CSMD2: variants seen among roughly 807,000 people sequenced by gnomAD.
The protein encoded by CSMD2 is CUB and sushi domain-containing protein 2.
A neutral mutation model predicts 398.5 loss-of-function variants in CSMD2; 130 were observed. The ratio of observed to expected loss-of-function variants is 0.33; its 90% confidence interval spans 0.28 to 0.38. The LOEUF is 0.38. Among genes scored for constraint, CSMD2 ranks in the 10% least tolerant of loss-of-function variants. The pLI, the probability that CSMD2 is intolerant of heterozygous loss-of-function variation, is 1.00. For missense variants in CSMD2, 3,829 were observed against 4,764.9 expected (o/e 0.80, Z 5.78); for synonymous variants, 1,828 against 1,908.5 (o/e 0.96, Z 1.10).
At chr1:34,013,379 A>C (rs1156981342) in intron 3 of CSMD2, among the ~76,000 whole-genome samples, 1 of 152,114 alleles carries the variant, frequency 6.6e-6, no homozygotes, top group Non-Finnish European at 1.5e-5. Context: ...TCCTCTTGAC[A>C]ACACAGTCCT....
chr1:33,679,085 T>C (rs1644816215), intron 25 of CSMD2, among the ~76,000 whole-genome samples: 1 of 152,122 alleles, frequency 6.6e-6, no homozygotes, highest in African/African-American at 2.4e-5. Flanking sequence ...GAGTCTGCCC[T>C]GTAGGTGTCA....
chr1:33,612,712 T>C (rs1241824280), intron 40 of CSMD2, among the ~76,000 whole-genome samples: 1 of 150,866 alleles, frequency 6.6e-6, no homozygotes, highest in Non-Finnish European at 1.5e-5. Context: ...GACAGAGTCT[T>C]GTTCGGTCGC....
intron 3 of CSMD2, among the ~76,000 whole-genome samples, chr1:34,015,711 G>C (rs1176008610): frequency 6.6e-6 from 1 of 152,216 alleles, no homozygotes; most frequent in Non-Finnish European, 1.5e-5. Context: ...CTAGGGATTA[G>C]AAAGCACTTT....
intron 1 of CSMD2, among the ~76,000 whole-genome samples, chr1:34,147,226 C>A (rs1005056477): frequency 5.3e-5 from 8 of 151,726 alleles, no homozygotes; most frequent in Non-Finnish European, 1.0e-4. Flanking sequence ...CCACTGCACT[C>A]CAGCCTGGGT....
At chr1:33,772,538 C>T in intron 13 of CSMD2, 31 bp downstream of exon 13, 2 of 1,594,696 alleles carry the variant, frequency 1.3e-6, no homozygotes, top group Non-Finnish European at 1.7e-6. Context: ...TCAGTGAAGA[C>T]CCTGGCGTGG....
chr1:34,004,673 T>C (rs527690321), intron 3 of CSMD2, among the ~76,000 whole-genome samples: 1 of 152,182 alleles, frequency 6.6e-6, no homozygotes, highest in South Asian at 2.1e-4. Context: ...TTGGTTAGGG[T>C]GTAGGAGGGG....
intron 10 of CSMD2, among the ~76,000 whole-genome samples, chr1:33,793,635 G>C (rs1447690625): frequency 1.3e-5 from 2 of 152,154 alleles, no homozygotes; most frequent in Non-Finnish European, 2.9e-5. Flanking sequence ...TGGGTGACAG[G>C]GACGCATAGG....
rs762151951 is a variant in CSMD2, at chr1:33,743,350, G to A, written c.2103C>T (p.Gly701=). ...NQLPSSITSS[G]HVARLEFQTD... ...TCTGGAACTCGAGACGGGCCACGTGGCCACTGCTTGTGATGGAGGAGGGAA... is the reference window on the plus strand; with the variant it reads ...TCTGGAACTCGAGACGGGCCACGTGACCACTGCTTGTGATGGAGGAGGGAA... The change falls in exon 14 of 71, where the codon GGC becomes GGT. Residue 701 remains glycine (G), a synonymous_variant. Transcript: ENST00000373381. The A allele has an allele frequency of 6.2e-7, 1 of 1,614,162 alleles. No individual in the cohort carries two copies.
intron 5 of CSMD2, among the ~76,000 whole-genome samples, chr1:33,907,081 G>A: frequency 6.6e-6 from 1 of 151,800 alleles, no homozygotes; most frequent in East Asian, 1.9e-4. Context: ...TCTTTGGAAT[G>A]GGGTAGGGGT....
chr1:33,993,664 C>A (rs1646634052), intron 3 of CSMD2, among the ~76,000 whole-genome samples: 1 of 152,166 alleles, frequency 6.6e-6, no homozygotes, highest in African/African-American at 2.4e-5. Flanking sequence ...AAATGCATTC[C>A]TTTGCCTATG....
intron 3 of CSMD2, among the ~76,000 whole-genome samples, chr1:33,999,141 T>C (rs147865971): frequency 2.9e-4 from 44 of 152,290 alleles, no homozygotes; most frequent in African/African-American, 9.4e-4. Flanking sequence ...TCCTTTTGTG[T>C]GAATCCAGGA....
intron 1 of CSMD2, among the ~76,000 whole-genome samples, chr1:34,109,478 A>G (rs893575388): frequency 1.3e-5 from 2 of 152,314 alleles, no homozygotes; most frequent in Admixed American, 6.5e-5. Context: ...ACTTTTGCCA[A>G]TCCAGAATGG....
At chr1:34,131,484 T>C (rs905641667) in intron 1 of CSMD2, among the ~76,000 whole-genome samples, 3 of 152,206 alleles carry the variant, frequency 2.0e-5, no homozygotes, top group Non-Finnish European at 4.4e-5. Flanking sequence ...CCCTGCCTGC[T>C]GACTTGGCCC....
At position 33,999,385 on chromosome 1, in the gene CSMD2, T is replaced by A. The variant is rs1032018208; in HGVS notation, c.517+33209A>T. ...ATGGTAACTAGATACTTTTTAAAAATTTTTTTTTATTTTGCTATTTTTTTG... is the reference window on the plus strand; with the variant it reads ...ATGGTAACTAGATACTTTTTAAAAAATTTTTTTTATTTTGCTATTTTTTTG... On this transcript the variant is annotated intron_variant, in intron 3 of 70. Coordinates refer to ENST00000373381, the MANE Select transcript of CSMD2 (RefSeq NM_001281956.2). 8.6e-5 allele frequency among the ~76,000 whole-genome samples: 13 copies of A among 151,936 alleles called. 1 individual carries two copies. Among genetic ancestry groups the A allele is most frequent in the East Asian group, 1.9e-4 (1 of 5,176 alleles).
At chr1:33,687,414 G>A (rs188782146) in intron 25 of CSMD2, among the ~76,000 whole-genome samples, 1 of 152,200 alleles carries the variant, frequency 6.6e-6, no homozygotes, top group East Asian at 1.9e-4. Flanking sequence ...AACAAAAAGA[G>A]GGTAAAGAAC....
intron 3 of CSMD2, among the ~76,000 whole-genome samples, chr1:34,000,164 G>A (rs1348702165): frequency 2.0e-5 from 3 of 152,078 alleles, no homozygotes; most frequent in Admixed American, 1.3e-4. Flanking sequence ...GACCTTCAGC[G>A]AAATTTTCTT....
intron 5 of CSMD2, among the ~76,000 whole-genome samples, chr1:33,893,287 TTCTA>T (rs1383805035): frequency 1.3e-5 from 2 of 152,234 alleles, no homozygotes; most frequent in African/African-American, 4.8e-5. Flanking sequence ...TTTGGCACTA[TTCTA>T]TCTATTTTGC....
intron 49 of CSMD2, among the ~76,000 whole-genome samples, chr1:33,574,244 A>G (rs10914746): frequency 0.22 from 34,144 of 152,134 alleles, 4,072 homozygotes; most frequent in Non-Finnish European, 0.26. Context: ...TCAAGAATAC[A>G]AAGAAAAGGA....
chr1:33,996,600 C>T (rs547888689), intron 3 of CSMD2, among the ~76,000 whole-genome samples: 184 of 152,292 alleles, frequency 1.2e-3, no homozygotes, highest in Non-Finnish European at 2.3e-3. Context: ...AGGGGCCACC[C>T]CTCTAGGCAG....
Sources: allele counts gnomAD v4.1 joint callset (sites outside exome capture counted in the v4.1 genomes callset), GRCh38; gene constraint gnomAD v4.1.1; transcripts MANE v1.5; gene names NCBI Gene and HGNC (gene_info 2026-07-23, HGNC 2026-07-21).